The following DTL variants were observed in gnomAD, a reference collection of about 807,000 sequenced individuals.
The protein encoded by DTL is denticleless protein homolog.
In DTL, 46 loss-of-function variants were observed where a neutral mutation model predicts 87.0. The observed-to-expected ratio is 0.53, with a 90% CI of 0.42 to 0.68. The LOEUF is 0.68. DTL is among the 30% of genes least tolerant of loss of function. DTL has a pLI of 0.00. For synonymous variants in DTL, 308 were observed against 311.2 expected (o/e 0.99, Z 0.11); for missense variants, 737 against 869.4 (o/e 0.85, Z 1.91).
chr1:212,089,397 A>G lies in DTL; in HGVS notation c.1261+8647A>G, dbSNP rs936945238. 2.0e-5 allele frequency among the ~76,000 whole-genome samples: 3 copies of G among 152,338 alleles called. No individual in the cohort carries two copies. The South Asian group carries it at 6.2e-4, about 32-fold the overall frequency. On this transcript the variant is annotated intron_variant, in intron 13 of 14. Coordinates refer to ENST00000366991, the MANE Select transcript of DTL (RefSeq NM_016448.4). ...AAAGAGCAAATGGCAGAACATGTAC[A>G]GATATATATATAGTATAATCCATTT...
chr1:212,051,302 A>G (rs1571945907), intron 5 of DTL, among the ~76,000 whole-genome samples: 2 of 152,012 alleles, frequency 1.3e-5, no homozygotes, highest in South Asian at 4.1e-4. Flanking sequence ...CTCTCCTCTG[A>G]TATCATTTCC....
chr1:212,064,046 C>A (rs1248291637), intron 6 of DTL, among the ~76,000 whole-genome samples: 1 of 151,904 alleles, frequency 6.6e-6, no homozygotes, highest in African/African-American at 2.4e-5. Context: ...GTGCATGCCA[C>A]CACTCCCAGC....
intron 1 of DTL, among the ~76,000 whole-genome samples, chr1:212,040,392 T>G (rs1219323327): frequency 6.6e-6 from 1 of 152,244 alleles, no homozygotes; most frequent in Non-Finnish European, 1.5e-5. Flanking sequence ...CCCAACCCTA[T>G]GTATGCTGTG....
chr1:212,068,193 C>A, intron 8 of DTL, 31 bp from the exon 9 acceptor site: 1 of 1,490,704 alleles, frequency 6.7e-7, no homozygotes, highest in Non-Finnish European at 9.2e-7. Flanking sequence ...GGAAGAAGGT[C>A]TACAAAATAT....
At chr1:212,037,890 T>C (rs1384859399) in intron 1 of DTL, among the ~76,000 whole-genome samples, 1 of 152,248 alleles carries the variant, frequency 6.6e-6, no homozygotes, top group Admixed American at 6.5e-5. Flanking sequence ...AATCGTTTAT[T>C]GTCATTCATT....
chr1:212,061,194 G>A (rs985446612), intron 5 of DTL, among the ~76,000 whole-genome samples: 19 of 151,564 alleles, frequency 1.3e-4, no homozygotes, highest in Non-Finnish European at 1.6e-4. Flanking sequence ...TGAGCCCTGA[G>A]CGGTGATTAC....
intron 13 of DTL, among the ~76,000 whole-genome samples, chr1:212,098,809 C>T (rs1482205878): frequency 6.6e-6 from 1 of 151,318 alleles, no homozygotes; most frequent in Non-Finnish European, 1.5e-5. Flanking sequence ...GAGATCTTGC[C>T]CTAGACTACA....
intron 12 of DTL, 120 bp downstream of exon 12, chr1:212,078,382 A>G (rs570057042): frequency 6.6e-5 from 43 of 649,622 alleles, no homozygotes; most frequent in Non-Finnish European, 9.7e-5. Context: ...TTAAAGACCT[A>G]AAGGCCATCC....
rs1426375863 is a variant in DTL, at chr1:212,101,103, G to A, written c.2094+19G>A. On this transcript the variant is annotated intron_variant, in intron 14 of 14. Coordinates refer to ENST00000366991, the MANE Select transcript of DTL (RefSeq NM_016448.4). The stretch of plus-strand genomic sequence containing the variant: ...AAGCCCGGTAAGTCAGCAGTGGTGG[G>A]AAGATACATTTCCTAACTTAAAAGG... 3 of 1,545,556 alleles carry A rather than the reference G, an allele frequency of 1.9e-6. No individual in the cohort carries two copies. The highest frequency in any genetic ancestry group is 1.2e-5 in the South Asian group (1 of 81,066).
chr1:212,056,970 T>C (rs1281540531), intron 5 of DTL, among the ~76,000 whole-genome samples: 1 of 152,082 alleles, frequency 6.6e-6, no homozygotes, highest in African/African-American at 2.4e-5. Context: ...ATAATAAACA[T>C]GAATGACTAA....
At chr1:212,057,914 G>A (rs1002586065) in intron 5 of DTL, among the ~76,000 whole-genome samples, 7 of 152,098 alleles carry the variant, frequency 4.6e-5, no homozygotes, top group Non-Finnish European at 1.0e-4. Flanking sequence ...GAAACCAAAA[G>A]CAAGCAAGAA....
At chr1:212,071,519 T>G (rs1205081131) in intron 10 of DTL, among the ~76,000 whole-genome samples, 1 of 152,200 alleles carries the variant, frequency 6.6e-6, no homozygotes, top group South Asian at 2.1e-4. Flanking sequence ...AGTGCTGGAT[T>G]AAAATGATTC....
chr1:212,078,076 A>G, intron 11 of DTL, 97 bp from the exon 12 acceptor site: 3 of 691,742 alleles, frequency 4.3e-6, no homozygotes, highest in South Asian at 2.0e-5. Context: ...TTTGGTAACA[A>G]TCCTAAAGCT....
intron 13 of DTL, among the ~76,000 whole-genome samples, chr1:212,098,510 G>A (rs75084024): frequency 0.026 from 3,999 of 152,172 alleles, 61 homozygotes; most frequent in African/African-American, 0.047. Flanking sequence ...CTACCAGGGC[G>A]GTTAGAGAAA....
At chr1:212,093,048 A>T in intron 13 of DTL, among the ~76,000 whole-genome samples, 1 of 151,858 alleles carries the variant, frequency 6.6e-6, no homozygotes, top group East Asian at 1.9e-4. Flanking sequence ...CTTTTTTTTG[A>T]GAATTGTCTA....
At chr1:212,087,877 C>G (rs1464901431) in intron 13 of DTL, among the ~76,000 whole-genome samples, 2 of 152,152 alleles carry the variant, frequency 1.3e-5, no homozygotes, top group East Asian at 3.9e-4. Flanking sequence ...CTTGTAAACC[C>G]CCTCAGTTAA....
intron 11 of DTL, among the ~76,000 whole-genome samples, chr1:212,073,406 T>C (rs1264239149): frequency 6.6e-6 from 1 of 152,238 alleles, no homozygotes; most frequent in African/African-American, 2.4e-5. Flanking sequence ...TAAAACTTCA[T>C]AGATCCCATA....
chr1:212,073,264 A>T (rs971327999), intron 11 of DTL, among the ~76,000 whole-genome samples: 1 of 152,210 alleles, frequency 6.6e-6, no homozygotes, highest in African/African-American at 2.4e-5. Context: ...GAGAATGATC[A>T]TTAAGGCATT....
intron 1 of DTL, among the ~76,000 whole-genome samples, chr1:212,042,420 A>G (rs892222409): frequency 6.6e-6 from 1 of 152,230 alleles, no homozygotes; most frequent in African/African-American, 2.4e-5. Context: ...GTAGGTACAT[A>G]ACACTTCACT....
Sources: gnomAD v4.1 joint callset for allele counts (sites outside exome capture counted in the v4.1 genomes callset) on GRCh38, gnomAD v4.1.1 for gene constraint, MANE v1.5 for transcripts, NCBI Gene and HGNC (gene_info 2026-07-23, HGNC 2026-07-21) for gene names.